The following LRP1B variants were observed in gnomAD, a reference collection of about 807,000 sequenced individuals.
LRP1B encodes LDL receptor related protein 1B, also known as low-density lipoprotein receptor-related protein 1B.
A neutral mutation model predicts 556.6 loss-of-function variants in LRP1B; 217 were observed. The observed-to-expected ratio is 0.39, with a 90% CI of 0.35 to 0.44. LRP1B has a LOEUF of 0.44. LRP1B is among the 20% of genes least tolerant of loss of function. The pLI is 1.00. For synonymous variants in LRP1B, 2,047 were observed against 1,865.8 expected (o/e 1.10, Z -2.50); for missense variants, 5,053 against 5,620.8 (o/e 0.90, Z 3.23).
intron 7 of LRP1B, among the ~76,000 whole-genome samples, chr2:141,081,718 A>G (rs1012171246): frequency 1.3e-5 from 2 of 152,136 alleles, no homozygotes; most frequent in African/African-American, 4.8e-5. Context: ...TAGGCTACAG[A>G]AGAAAAAGTG....
chr2:140,680,728 T>C (rs988189502), intron 41 of LRP1B, among the ~76,000 whole-genome samples: 3 of 152,114 alleles, frequency 2.0e-5, no homozygotes, highest in African/African-American at 7.2e-5. Context: ...TTACCACATA[T>C]CTCTAGGTGT....
intron 3 of LRP1B, among the ~76,000 whole-genome samples, chr2:141,435,430 CT>C (rs1680727269): frequency 6.6e-6 from 1 of 152,170 alleles, no homozygotes; most frequent in African/African-American, 2.4e-5. Context: ...TACCAACTTC[CT>C]TTTAATTGCT....
chr2:140,242,019 A>G (rs1397178857), intron 87 of LRP1B, among the ~76,000 whole-genome samples: 1 of 150,826 alleles, frequency 6.6e-6, no homozygotes, highest in Non-Finnish European at 1.5e-5. Context: ...ATCATGCAAC[A>G]TTTTTCCATT....
At chr2:140,941,865 A>T (rs1336484545) in intron 20 of LRP1B, among the ~76,000 whole-genome samples, 1 of 152,148 alleles carries the variant, frequency 6.6e-6, no homozygotes, top group Non-Finnish European at 1.5e-5. Context: ...CAGTTCAAGA[A>T]CTCTAGCAAT....
At chr2:140,731,079 C>T (rs2105498268) in intron 35 of LRP1B, among the ~76,000 whole-genome samples, 1 of 152,282 alleles carries the variant, frequency 6.6e-6, no homozygotes, top group East Asian at 1.9e-4. Flanking sequence ...CTCTGCATTT[C>T]CTTACCTTTA....
chr2:142,007,229 A>T (rs1702830132), intron 1 of LRP1B, among the ~76,000 whole-genome samples: 1 of 152,136 alleles, frequency 6.6e-6, no homozygotes, highest in African/African-American at 2.4e-5. Flanking sequence ...CAAATATCGA[A>T]TTTGTTCTCT....
intron 1 of LRP1B, among the ~76,000 whole-genome samples, chr2:142,119,171 A>G (rs1457009582): frequency 1.3e-5 from 2 of 152,142 alleles, no homozygotes; most frequent in Admixed American, 6.6e-5. Context: ...AACCTAATGC[A>G]TGTTTAGTGT....
intron 1 of LRP1B, among the ~76,000 whole-genome samples, chr2:142,051,029 A>G (rs1216400569): frequency 6.6e-6 from 1 of 152,132 alleles, no homozygotes; most frequent in Non-Finnish European, 1.5e-5. Context: ...GGTGGGAAAG[A>G]GGCAGAAAAA....
intron 1 of LRP1B, among the ~76,000 whole-genome samples, chr2:141,955,308 C>CATAAAA (rs1558984706): frequency 3.3e-5 from 5 of 152,084 alleles, no homozygotes; most frequent in African/African-American, 1.2e-4. Context: ...TTGTCAACTA[C>CATAAAA]CACATAATAG....
At chr2:140,802,238 C>G (rs114419751) in intron 32 of LRP1B, among the ~76,000 whole-genome samples, 353 of 152,248 alleles carry the variant, frequency 2.3e-3, no homozygotes, top group African/African-American at 8.0e-3. Context: ...ATCAAAATCA[C>G]TAGGGACTAT....
At chr2:141,790,792 T>C (rs1300078379) in intron 2 of LRP1B, among the ~76,000 whole-genome samples, 1 of 152,034 alleles carries the variant, frequency 6.6e-6, no homozygotes, top group Non-Finnish European at 1.5e-5. Context: ...GCATTACAAA[T>C]AGACGTTAAA....
At chr2:142,016,443 A>T (rs1574597061) in intron 1 of LRP1B, among the ~76,000 whole-genome samples, 1 of 152,198 alleles carries the variant, frequency 6.6e-6, no homozygotes, top group Non-Finnish European at 1.5e-5. Flanking sequence ...GCCCATCAAT[A>T]ATAGACTGCA....
At chr2:141,969,146 A>G (rs1034070597) in intron 1 of LRP1B, among the ~76,000 whole-genome samples, 1 of 151,026 alleles carries the variant, frequency 6.6e-6, no homozygotes, top group Non-Finnish European at 1.5e-5. Context: ...TTGACAAATT[A>G]TAGTATATAT....
intron 1 of LRP1B, among the ~76,000 whole-genome samples, chr2:141,903,668 T>TA (rs1410917972): frequency 1.3e-5 from 2 of 151,990 alleles, no homozygotes; most frequent in Non-Finnish European, 2.9e-5. Context: ...TTCTACATGC[T>TA]AGGCAGTACA....
intron 1 of LRP1B, among the ~76,000 whole-genome samples, chr2:141,940,268 T>C (rs1354420810): frequency 1.3e-5 from 2 of 152,120 alleles, no homozygotes; most frequent in Admixed American, 6.6e-5. Context: ...CTCTGTGCAA[T>C]GCCACTGTAC....
intron 46 of LRP1B, among the ~76,000 whole-genome samples, chr2:140,535,887 G>A (rs1000708878): frequency 3.3e-5 from 5 of 152,020 alleles, no homozygotes; most frequent in African/African-American, 1.2e-4. Context: ...GTTTGATGTG[G>A]ACCATGCCTA....
intron 66 of LRP1B, among the ~76,000 whole-genome samples, chr2:140,392,513 G>T (rs1226011775): frequency 6.6e-6 from 1 of 151,612 alleles, no homozygotes; most frequent in Non-Finnish European, 1.5e-5. Flanking sequence ...TTGGAGATGG[G>T]ATCTTGCTCT....
intron 24 of LRP1B, 50 bp from the exon 25 acceptor site, chr2:140,884,071 A>T (rs772780676): frequency 6.5e-7 from 1 of 1,547,478 alleles, no homozygotes; most frequent in Non-Finnish European, 8.9e-7. Context: ...GATTGTGTTA[A>T]GCACAAAGGA....
intron 25 of LRP1B, among the ~76,000 whole-genome samples, chr2:140,879,943 T>G (rs1460766443): frequency 6.9e-6 from 1 of 144,654 alleles, no homozygotes; most frequent in Non-Finnish European, 1.5e-5. Flanking sequence ...AAATAAATGA[T>G]CCTGGTTAAA....
Sources: allele counts gnomAD v4.1 joint callset (sites outside exome capture counted in the v4.1 genomes callset), GRCh38; gene constraint gnomAD v4.1.1; transcripts MANE v1.5; gene names NCBI Gene and HGNC (gene_info 2026-07-23, HGNC 2026-07-21).